POM121C: variants seen among roughly 807,000 people sequenced by gnomAD.
The protein encoded by POM121C is POM121 transmembrane nucleoporin C.
A neutral mutation model predicts 66.4 loss-of-function variants in POM121C; 20 were observed. The observed-to-expected ratio is 0.30, with a 90% confidence interval of 0.21 to 0.44. The LOEUF (loss-of-function observed/expected upper bound fraction) is 0.44. Ranked by LOEUF, POM121C falls within the 20% of genes least tolerant of loss-of-function variation. POM121C has a pLI of 1.00. For missense variants in POM121C, 580 were observed against 1,225.7 expected, an observed-to-expected ratio of 0.47 and a Z score of 7.87; for synonymous variants, 286 against 528.0, an observed-to-expected ratio of 0.54 and a Z score of 6.28.
intron 3 of POM121C, among the ~76,000 whole-genome samples, chr7:75,449,799 T>C (rs1348960735): frequency 6.6e-6 from 1 of 151,980 alleles, no homozygotes; most frequent in Non-Finnish European, 1.5e-5. Context: ...GCAGATCGCC[T>C]GAAGTTAGGA....
intron 1 of POM121C, among the ~76,000 whole-genome samples, chr7:75,479,409 A>T (rs1234363658): frequency 6.6e-6 from 1 of 152,020 alleles, no homozygotes; most frequent in Non-Finnish European, 1.5e-5. Flanking sequence ...TGAGGTCAGG[A>T]GTTCGAGACC....
At position 75,421,800 on chromosome 7, in the gene POM121C, C is replaced by A. The variant is rs377568273; in HGVS notation, c.2452G>T (p.Ala818Ser). The A allele has an allele frequency of 7.5e-6, 12 of 1,608,210 alleles. No homozygotes were observed. Among genetic ancestry groups the A allele is most frequent in the Middle Eastern group, 2.1e-4 (1 of 4,708 alleles). Residue 818 changes from alanine to serine, a missense_variant, in exon 13 of 15, where the codon GCC (alanine) becomes TCC (serine). Ala to Ser is a moderately conservative substitution (Grantham distance 99). Transcript: ENST00000615331. ...ACCGAGCTGCTGCTCCCGCTGCTGG[C>A]GGTCTGGGTGGTGGCTCCAAAGCCG... ...SSGFGATTQTASSGSSSSVFG... is the reference protein window; with the variant it reads ...SSGFGATTQTSSSGSSSSVFG...
chr7:75,475,548 A>C (rs1563159167), intron 1 of POM121C, among the ~76,000 whole-genome samples: 3 of 150,416 alleles, frequency 2.0e-5, no homozygotes, highest in Non-Finnish European at 4.4e-5. Context: ...CTTTGCTGCC[A>C]GGCCCTCCCC....
At chr7:75,471,417 C>T (rs1791872434) in intron 3 of POM121C, among the ~76,000 whole-genome samples, 1 of 151,814 alleles carries the variant, frequency 6.6e-6, no homozygotes. Context: ...AGGGTGGTCT[C>T]GAACTCCTGA....
At chr7:75,435,571 G>A (rs1790370544) in intron 7 of POM121C, among the ~76,000 whole-genome samples, 1 of 152,000 alleles carries the variant, frequency 6.6e-6, no homozygotes, top group Admixed American at 6.6e-5. Flanking sequence ...CTGAACAAAC[G>A]AACCTCACTG....
intron 6 of POM121C, among the ~76,000 whole-genome samples, chr7:75,438,220 C>T (rs1174105835): frequency 6.6e-6 from 1 of 152,188 alleles, no homozygotes; most frequent in Admixed American, 6.5e-5. Context: ...CAACCTGTTA[C>T]AATATAGACA....
intron 3 of POM121C, among the ~76,000 whole-genome samples, chr7:75,450,078 C>T (rs587683273): frequency 9.2e-5 from 14 of 152,180 alleles, no homozygotes; most frequent in Non-Finnish European, 1.9e-4. Flanking sequence ...CATGAAGACA[C>T]AGCAAGAAGG....
chr7:75,471,415 C>T (rs1406422542), intron 3 of POM121C, among the ~76,000 whole-genome samples: 1 of 151,866 alleles, frequency 6.6e-6, no homozygotes, highest in Non-Finnish European at 1.5e-5. Context: ...CCAGGGTGGT[C>T]TCGAACTCCT....
chr7:75,477,412 A>G (rs1351359356), intron 1 of POM121C, among the ~76,000 whole-genome samples: 2 of 152,168 alleles, frequency 1.3e-5, no homozygotes, highest in Non-Finnish European at 2.9e-5. Context: ...GTGAAACCCT[A>G]TCTCTACTAA....
At chr7:75,459,904 G>A (rs1176822176) in intron 3 of POM121C, among the ~76,000 whole-genome samples, 1 of 148,850 alleles carries the variant, frequency 6.7e-6, no homozygotes, top group African/African-American at 2.5e-5. Flanking sequence ...TTGGCAAAAG[G>A]TTGATACTAG....
intron 1 of POM121C, among the ~76,000 whole-genome samples, chr7:75,476,146 C>T (rs1389958659): frequency 1.3e-5 from 2 of 152,128 alleles, no homozygotes; most frequent in African/African-American, 2.4e-5. Flanking sequence ...AAAAAATTGG[C>T]TGGGCATCAT....
chr7:75,476,521 A>G (rs1792083411), intron 1 of POM121C, among the ~76,000 whole-genome samples: 1 of 152,142 alleles, frequency 6.6e-6, no homozygotes, highest in African/African-American at 2.4e-5. Context: ...AGATCCCAAG[A>G]GATAGCAGAG....
At position 75,474,786 on chromosome 7, in the gene POM121C, G is replaced by A; in HGVS notation, c.-234C>T. 3 of 1,314,454 alleles carry A rather than the reference G, an allele frequency of 2.3e-6. No individual in the cohort carries two copies. Among genetic ancestry groups the A allele is most frequent in the South Asian group, 2.5e-5 (2 of 80,202 alleles). The allele number at this position is 1,314,454 out of a possible 1,614,324, so 81.4% of individuals were successfully genotyped here. A position where few individuals can be genotyped will look rare whatever the true frequency, so the allele number is the denominator to read the frequency against. ...CCAACTTAATGATGACGTTTGGCTTGGTGATATCATATCTTGTTAATGGGA... is the reference window on the plus strand; with the variant it reads ...CCAACTTAATGATGACGTTTGGCTTAGTGATATCATATCTTGTTAATGGGA... On this transcript the variant is annotated 5_prime_UTR_variant, in exon 3 of 15. Coordinates refer to ENST00000615331, the MANE Select transcript of POM121C (RefSeq NM_001099415.3).
chr7:75,486,024 G>GC lies in POM121C; in HGVS notation c.-619dup, dbSNP rs1554480889. The GC allele has an allele frequency of 6.4e-6, 3 of 466,480 alleles. No individual in the cohort carries two copies. Among genetic ancestry groups the GC allele is most frequent in the African/African-American group, 6.0e-5 (3 of 50,096 alleles). The allele number at this position is 466,480 out of a possible 1,614,324, so 28.9% of individuals were successfully genotyped here. On this transcript the variant is annotated 5_prime_UTR_variant, in exon 1 of 15. Coordinates refer to ENST00000615331, the MANE Select transcript of POM121C (RefSeq NM_001099415.3). ...GGCCGGGCCTACGGGGCAAATCCAGGCGGGTGTCCTTCTCGGGGCCCAGAT... is the reference window on the plus strand; with the variant it reads ...GGCCGGGCCTACGGGGCAAATCCAGGCCGGGTGTCCTTCTCGGGGCCCAGAT...
At chr7:75,447,813 G>A (rs1790875931) in intron 3 of POM121C, among the ~76,000 whole-genome samples, 1 of 151,916 alleles carries the variant, frequency 6.6e-6, no homozygotes, top group African/African-American at 2.4e-5. Flanking sequence ...CACGAGGTCA[G>A]GAGATCGAGA....
At chr7:75,458,794 G>C (rs1398195762) in intron 3 of POM121C, among the ~76,000 whole-genome samples, 1 of 152,020 alleles carries the variant, frequency 6.6e-6, no homozygotes, top group Admixed American at 6.6e-5. Flanking sequence ...AGAAAAATCC[G>C]AACCCAGAAA....
intron 5 of POM121C, chr7:75,440,713 T>C (rs1371123799): frequency 4.3e-5 from 25 of 582,338 alleles, no homozygotes; most frequent in Non-Finnish European, 2.5e-5. Flanking sequence ...ACATGGCTAA[T>C]AGCTGTCAGC....
intron 3 of POM121C, among the ~76,000 whole-genome samples, chr7:75,473,750 G>A (rs1162732496): frequency 2.6e-5 from 4 of 151,314 alleles, no homozygotes; most frequent in African/African-American, 7.3e-5. Flanking sequence ...GTGCAGTGGC[G>A]GGATCTCGGC....
intron 3 of POM121C, among the ~76,000 whole-genome samples, chr7:75,469,359 A>G (rs1791789889): frequency 6.6e-6 from 1 of 152,040 alleles, no homozygotes; most frequent in South Asian, 2.1e-4. Context: ...TGGCCTCCCA[A>G]AGTGCTCAGA....
Sources: gnomAD v4.1 joint callset for allele counts (sites outside exome capture counted in the v4.1 genomes callset) on GRCh38, gnomAD v4.1.1 for gene constraint, MANE v1.5 for transcripts, NCBI Gene and HGNC (gene_info 2026-07-23, HGNC 2026-07-21) for gene names.